The following ISM1 variants were observed in gnomAD, a reference collection of about 807,000 sequenced individuals.
The protein encoded by ISM1 is isthmin 1, also known as isthmin-1.
A neutral mutation model predicts 46.3 loss-of-function variants in ISM1; 25 were observed. The ratio of observed to expected loss-of-function variants is 0.54; its 90% confidence interval spans 0.39 to 0.75. The LOEUF is 0.75. Ranked by LOEUF, ISM1 falls within the 30% of genes least tolerant of loss-of-function variation. ISM1 has a pLI of 0.00. For synonymous variants in ISM1, 255 were observed against 256.7 expected, an observed-to-expected ratio of 0.99 and a Z score of 0.06; for missense variants, 536 against 625.4, an observed-to-expected ratio of 0.86 and a Z score of 1.52.
intron 1 of ISM1, among the ~76,000 whole-genome samples, chr20:13,237,334 C>T (rs1211451892): frequency 6.6e-6 from 1 of 152,186 alleles, no homozygotes; most frequent in African/African-American, 2.4e-5. Context: ...AACCTTGAAA[C>T]AACCCCAATG....
At chr20:13,270,473 T>G in intron 1 of ISM1, 31 bp from the exon 2 acceptor site, 1 of 1,588,608 alleles carries the variant, frequency 6.3e-7, no homozygotes, top group East Asian at 2.3e-5. Flanking sequence ...TGTGTCTCCT[T>G]AACAGGTGTT....
intron 1 of ISM1, among the ~76,000 whole-genome samples, chr20:13,266,368 T>A (rs2040043338): frequency 6.6e-6 from 1 of 152,190 alleles, no homozygotes; most frequent in South Asian, 2.1e-4. Context: ...AGTAGCTAAA[T>A]AATTTGACCA....
At chr20:13,303,846 AGTC>A (rs2040478542), downstream of ISM1, among the ~76,000 whole-genome samples, 1 of 152,250 alleles carries the variant, frequency 6.6e-6, no homozygotes, top group Non-Finnish European at 1.5e-5. Context: ...AGTGATATAA[AGTC>A]AAGTTTTTGA....
intron 1 of ISM1, among the ~76,000 whole-genome samples, chr20:13,253,039 G>A (rs2039885004): frequency 6.6e-6 from 1 of 152,204 alleles, no homozygotes. Context: ...ATGGACCTGT[G>A]TGGCTTAATT....
chr20:13,228,253 G>A (rs1600477870), intron 1 of ISM1, among the ~76,000 whole-genome samples: 2 of 151,964 alleles, frequency 1.3e-5, no homozygotes, highest in Admixed American at 1.3e-4. Flanking sequence ...GATTACAGGT[G>A]TGAGCCACTG....
intron 1 of ISM1, among the ~76,000 whole-genome samples, chr20:13,226,388 C>T (rs1319417804): frequency 6.6e-6 from 1 of 152,048 alleles, no homozygotes; most frequent in Non-Finnish European, 1.5e-5. Context: ...GCTCGTTTTC[C>T]AGTCAGGCTG....
intron 1 of ISM1, 89 bp from the exon 2 acceptor site, chr20:13,270,415 C>T (rs1405612955): frequency 1.4e-6 from 2 of 1,426,406 alleles, no homozygotes; most frequent in East Asian, 2.5e-5. Context: ...CTGGAATTGT[C>T]CTTGCTCCTG....
At chr20:13,302,798 G>A (rs976145805), downstream of ISM1, among the ~76,000 whole-genome samples, 2 of 152,160 alleles carry the variant, frequency 1.3e-5, no homozygotes, top group Non-Finnish European at 2.9e-5. Flanking sequence ...CACAACAGTG[G>A]TAAACAGAGA....
the ISM1 span, among the ~76,000 whole-genome samples, chr20:13,309,796 G>A: frequency 6.6e-6 from 1 of 151,828 alleles, no homozygotes; most frequent in African/African-American, 2.4e-5. Context: ...GTTTCTATAA[G>A]CAAAAAAACT....
rs2040366465 is a variant in ISM1 at position 13,292,717 on chromosome 20, G to T, written c.877+254G>T. Among the ~76,000 whole-genome samples, 4 of 152,100 alleles carry T rather than the reference G, an allele frequency of 2.6e-5. No homozygotes were observed. The South Asian group carries it at 8.3e-4, about 32-fold the overall frequency. On this transcript the variant is annotated intron_variant, in intron 5 of 5. Coordinates refer to ENST00000262487, the MANE Select transcript of ISM1 (RefSeq NM_080826.2). ...GCCTTCACAGCCAGAGGCAGATGGG[G>T]ACCTGTCTCTCAGCACAGAATAAGC...
intron 2 of ISM1, among the ~76,000 whole-genome samples, chr20:13,273,023 A>G (rs1352007210): frequency 6.6e-6 from 1 of 152,174 alleles, no homozygotes; most frequent in Admixed American, 6.5e-5. Flanking sequence ...TTACTAACGC[A>G]AAGTCATAGG....
intron 1 of ISM1, among the ~76,000 whole-genome samples, chr20:13,254,872 A>C (rs988980067): frequency 1.3e-5 from 2 of 152,160 alleles, no homozygotes; most frequent in African/African-American, 4.8e-5. Flanking sequence ...GGGCATTGAA[A>C]TCCTGTTTGT....
chr20:13,258,890 T>C (rs1474461115), intron 1 of ISM1, among the ~76,000 whole-genome samples: 14 of 152,128 alleles, frequency 9.2e-5, no homozygotes, highest in Admixed American at 5.2e-4. Flanking sequence ...GGCTTGTCAG[T>C]GCATTAGACC....
intron 4 of ISM1, among the ~76,000 whole-genome samples, chr20:13,289,521 T>C (rs2040330231): frequency 6.6e-6 from 1 of 152,214 alleles, no homozygotes; most frequent in South Asian, 2.1e-4. Flanking sequence ...TGATTGACTA[T>C]AGCAGTGGTT....
intron 2 of ISM1, among the ~76,000 whole-genome samples, chr20:13,274,059 T>TTGTGTGTGTGTGTG: frequency 6.6e-6 from 1 of 150,824 alleles, no homozygotes; most frequent in African/African-American, 2.4e-5. Flanking sequence ...TGGCGTGTAA[T>TTGTGTGTGTGTGTG]TGTGTGTGTG....
chr20:13,233,452 G>A (rs1250418494), intron 1 of ISM1, among the ~76,000 whole-genome samples: 4 of 152,062 alleles, frequency 2.6e-5, no homozygotes, highest in Admixed American at 2.0e-4. Context: ...AAAATTAGCC[G>A]GGCGTGGTGG....
Position 13,221,716 on chromosome 20 carries a change from G to A in ISM1, c.-61G>A. On this transcript the variant is annotated 5_prime_UTR_variant, in exon 1 of 6. Transcript: ENST00000262487. The stretch of plus-strand genomic sequence containing the variant: ...CCCGGGCTCCTACTCCTCCTCCCCC[G>A]GCGTCACCGCCGCCGCCGCCGGCCG... The A allele has an allele frequency of 7.6e-7, 1 of 1,319,808 alleles. No homozygotes were observed. The highest frequency in any genetic ancestry group is 3.3e-5 in the East Asian group (1 of 30,768). The allele number at this position is 1,319,808 out of a possible 1,614,324, so 81.8% of individuals were successfully genotyped here.
chr20:13,255,156 A>G (rs74480557), intron 1 of ISM1, among the ~76,000 whole-genome samples: 1,545 of 152,366 alleles, frequency 0.01, 28 homozygotes, highest in African/African-American at 0.035. Context: ...CACTGGTTAT[A>G]TAAGATGATC....
At chr20:13,293,947 T>C (rs1194479902) in intron 5 of ISM1, among the ~76,000 whole-genome samples, 1 of 151,708 alleles carries the variant, frequency 6.6e-6, no homozygotes, top group African/African-American at 2.4e-5. Flanking sequence ...GCACTCCAGC[T>C]TGGGCAACAA....
Sources: gnomAD v4.1 joint callset for allele counts (sites outside exome capture counted in the v4.1 genomes callset) on GRCh38, gnomAD v4.1.1 for gene constraint, MANE v1.5 for transcripts, NCBI Gene and HGNC (gene_info 2026-07-23, HGNC 2026-07-21) for gene names.